RBFOX1: variants seen among roughly 807,000 people sequenced by gnomAD.
RBFOX1 encodes RNA binding protein fox-1 homolog 1.
Under a neutral mutation model 57.7 loss-of-function variants are expected in RBFOX1, and 8 were observed. The ratio of observed to expected loss-of-function variants is 0.14; its 90% confidence interval spans 0.08 to 0.25. RBFOX1 has a LOEUF of 0.25. Ranked by LOEUF, RBFOX1 falls within the 10% of genes least tolerant of loss-of-function variation. RBFOX1 has a pLI of 1.00. For synonymous variants in RBFOX1, 326 were observed against 222.4 expected, an observed-to-expected ratio of 1.47 and a Z score of -4.15; for missense variants, 611 against 548.5, an observed-to-expected ratio of 1.11 and a Z score of -1.14.
intron 3 of RBFOX1, among the ~76,000 whole-genome samples, chr16:6,791,701 G>A (rs1340123676): frequency 2.6e-5 from 4 of 152,202 alleles, no homozygotes; most frequent in South Asian, 2.1e-4. Context: ...AGAGGTTGCA[G>A]TGAGCAGAGA....
At chr16:6,200,743 T>G (rs563814980) in intron 1 of RBFOX1, among the ~76,000 whole-genome samples, 9 of 152,184 alleles carry the variant, frequency 5.9e-5, no homozygotes, top group Non-Finnish European at 1.3e-4. Context: ...TTGTGTGTTA[T>G]TGTGATGGGA....
chr16:6,916,571 T>C (rs12928831), intron 3 of RBFOX1, among the ~76,000 whole-genome samples: 41,318 of 151,224 alleles, frequency 0.27, 6,102 homozygotes, highest in African/African-American at 0.39. Context: ...ATCCCATAAA[T>C]CATCGTGACC....
At chr16:6,839,310 G>C (rs1433281875) in intron 3 of RBFOX1, among the ~76,000 whole-genome samples, 1 of 152,144 alleles carries the variant, frequency 6.6e-6, no homozygotes, top group East Asian at 1.9e-4. Context: ...AGCTGCCTCA[G>C]TCTGAAAACG....
intron 3 of RBFOX1, among the ~76,000 whole-genome samples, chr16:6,980,325 C>T (rs943768444): frequency 5.3e-5 from 8 of 152,254 alleles, no homozygotes; most frequent in Middle Eastern, 3.4e-3. Flanking sequence ...ATTACCTATT[C>T]GTTTTTTGTT....
At chr16:5,472,398 G>A (rs1365350682) in intron 2 of RBFOX1, among the ~76,000 whole-genome samples, 1 of 152,136 alleles carries the variant, frequency 6.6e-6, no homozygotes, top group East Asian at 1.9e-4. Context: ...CCCATTTGCA[G>A]CAGGGGGGAT....
chr16:7,271,310 G>C (rs77706548), intron 4 of RBFOX1, among the ~76,000 whole-genome samples: 5,107 of 151,808 alleles, frequency 0.034, 130 homozygotes, highest in East Asian at 0.13. Context: ...GCTGCAAAAA[G>C]ACGGGCCTGG....
At chr16:6,481,884 GTTAATATCATAT>G (rs2095376287) in intron 2 of RBFOX1, among the ~76,000 whole-genome samples, 2 of 152,030 alleles carry the variant, frequency 1.3e-5, no homozygotes, top group East Asian at 3.9e-4. Flanking sequence ...TAAACACTGT[GTTAATATCATAT>G]TAAAAACACT....
chr16:6,564,912 G>A (rs2097237734), intron 2 of RBFOX1, among the ~76,000 whole-genome samples: 1 of 152,014 alleles, frequency 6.6e-6, no homozygotes, highest in Non-Finnish European at 1.5e-5. Flanking sequence ...AGGCTAAGGT[G>A]GGAGGATCAC....
At chr16:6,423,479 A>T (rs1597039324) in intron 2 of RBFOX1, among the ~76,000 whole-genome samples, 1 of 152,160 alleles carries the variant, frequency 6.6e-6, no homozygotes, top group Non-Finnish European at 1.5e-5. Context: ...CATGTCTGTA[A>T]TCCCAGCTAG....
At chr16:5,973,017 G>A (rs1162461931) in intron 4 of RBFOX1, among the ~76,000 whole-genome samples, 1 of 152,216 alleles carries the variant, frequency 6.6e-6, no homozygotes, top group Non-Finnish European at 1.5e-5. Flanking sequence ...CTGCCTGGCA[G>A]GGTCTTAAAC....
intron 2 of RBFOX1, among the ~76,000 whole-genome samples, chr16:6,650,489 G>C (rs2098578345): frequency 6.6e-6 from 1 of 152,082 alleles, no homozygotes; most frequent in Non-Finnish European, 1.5e-5. Context: ...TTACCTAATG[G>C]CTAATCACAA....
intron 4 of RBFOX1, among the ~76,000 whole-genome samples, chr16:5,942,965 G>C (rs138708380): frequency 2.3e-4 from 35 of 152,326 alleles, no homozygotes; most frequent in African/African-American, 7.2e-4. Context: ...GGTAGGGCTT[G>C]ACTGCTCCAG....
chr16:7,414,862 T>G (rs1322111019), intron 4 of RBFOX1, among the ~76,000 whole-genome samples: 1 of 152,162 alleles, frequency 6.6e-6, no homozygotes, highest in African/African-American at 2.4e-5. Flanking sequence ...AGGTGATCCG[T>G]TTCCTTCAGC....
chr16:5,877,926 G>T (rs2057656537), intron 4 of RBFOX1, among the ~76,000 whole-genome samples: 2 of 152,182 alleles, frequency 1.3e-5, no homozygotes, highest in African/African-American at 4.8e-5. Context: ...TGCCCCATCT[G>T]TGTTTAAGCT....
At chr16:5,718,258 A>T (rs1182379651) in intron 3 of RBFOX1, among the ~76,000 whole-genome samples, 3 of 152,250 alleles carry the variant, frequency 2.0e-5, no homozygotes. Flanking sequence ...TTAAGAATCC[A>T]TGTGGAGCTT....
At chr16:7,171,660 G>A (rs901286652) in intron 4 of RBFOX1, among the ~76,000 whole-genome samples, 1 of 152,208 alleles carries the variant, frequency 6.6e-6, no homozygotes, top group African/African-American at 2.4e-5. Context: ...CACCATGCCA[G>A]AAGGGCCATT....
intron 3 of RBFOX1, among the ~76,000 whole-genome samples, chr16:6,880,013 C>G (rs181982620): frequency 2.0e-5 from 3 of 152,122 alleles, no homozygotes; most frequent in African/African-American, 7.2e-5. Flanking sequence ...ATCTTTCATA[C>G]TTGAAGCGCC....
chr16:6,995,098 G>A (rs2092056786), intron 3 of RBFOX1, among the ~76,000 whole-genome samples: 2 of 152,050 alleles, frequency 1.3e-5, no homozygotes, highest in South Asian at 4.2e-4. Context: ...TAAAAATTCA[G>A]AACAACCATA....
intron 3 of RBFOX1, among the ~76,000 whole-genome samples, chr16:6,983,376 A>T (rs1438780459): frequency 6.6e-6 from 1 of 151,998 alleles, no homozygotes; most frequent in Non-Finnish European, 1.5e-5. Context: ...GGTCTTTGAA[A>T]AAGCTAGGGT....
Sources: allele counts gnomAD v4.1 joint callset (sites outside exome capture counted in the v4.1 genomes callset), GRCh38; gene constraint gnomAD v4.1.1; transcripts MANE v1.5; gene names NCBI Gene and HGNC (gene_info 2026-07-23, HGNC 2026-07-21).